MCTP1: variants seen among roughly 807,000 people sequenced by gnomAD.
The protein encoded by MCTP1 is multiple C2 and transmembrane domain containing 1.
Under a neutral mutation model 120.6 loss-of-function variants are expected in MCTP1, and 69 were observed. The observed-to-expected ratio is 0.57, with a 90% CI of 0.47 to 0.70. The LOEUF (loss-of-function observed/expected upper bound fraction) is 0.70, where lower values mean the gene tolerates loss of function less well. MCTP1 is among the 30% of genes least tolerant of loss of function. The pLI is 0.00. For missense variants in MCTP1, 1,203 were observed against 1,248.8 expected, an observed-to-expected ratio of 0.96 and a Z score of 0.55; for synonymous variants, 529 against 493.1, an observed-to-expected ratio of 1.07 and a Z score of -0.96.
chr5:94,946,832 A>G (rs1233544268), intron 3 of MCTP1, among the ~76,000 whole-genome samples: 2 of 152,122 alleles, frequency 1.3e-5, no homozygotes, highest in East Asian at 3.9e-4. Context: ...CCTTAAATCC[A>G]TGTTCGGCAT....
intron 1 of MCTP1, among the ~76,000 whole-genome samples, chr5:95,247,581 G>C (rs1756943637): frequency 1.3e-5 from 2 of 152,190 alleles, no homozygotes; most frequent in South Asian, 4.2e-4. Flanking sequence ...AGAGATTCTG[G>C]TACATTGTGT....
chr5:94,741,088 C>A (rs950886942), intron 19 of MCTP1, among the ~76,000 whole-genome samples: 5 of 152,186 alleles, frequency 3.3e-5, no homozygotes, highest in Non-Finnish European at 5.9e-5. Flanking sequence ...TTGGTAGCAT[C>A]TCCTTCCTCC....
At position 94,954,003 on chromosome 5, in the gene MCTP1, TATATATACAAATATATATGC is replaced by T. The variant is rs1561917434; in HGVS notation, c.839-662_839-643del. On this transcript the variant is annotated intron_variant, in intron 2 of 22. Coordinates refer to ENST00000515393, the MANE Select transcript of MCTP1 (RefSeq NM_024717.7). ...ATATATATACAAATATATATATGCA[TATATATACAAATATATATGC>T]ATATATATACAAATATATATATGCA... Among the ~76,000 whole-genome samples, 190 of 53,342 alleles carry T rather than the reference TATATATACAAATATATATGC, an allele frequency of 3.6e-3. 3 individuals carry two copies. Among genetic ancestry groups the T allele is most frequent in the Non-Finnish European group, 4.2e-3 (124 of 29,652 alleles). The allele number at this position is 53,342 out of a possible 152,430, so 35.0% of individuals were successfully genotyped here.
At chr5:94,791,500 T>TACATACACAC (rs1554099050) in intron 18 of MCTP1, among the ~76,000 whole-genome samples, 1 of 149,070 alleles carries the variant, frequency 6.7e-6, no homozygotes, top group Non-Finnish European at 1.5e-5. Context: ...GTTTCTAAAA[T>TACATACACAC]ACACACACAC....
chr5:95,138,044 G>A (rs969815100), intron 1 of MCTP1, among the ~76,000 whole-genome samples: 1 of 152,090 alleles, frequency 6.6e-6, no homozygotes, highest in Non-Finnish European at 1.5e-5. Flanking sequence ...TGTGTTTTCA[G>A]ATTACTTCAA....
At chr5:94,989,979 T>C (rs771439115) in intron 2 of MCTP1, among the ~76,000 whole-genome samples, 5 of 152,124 alleles carry the variant, frequency 3.3e-5, no homozygotes, top group Non-Finnish European at 1.5e-5. Context: ...TGTTTCTGAG[T>C]TGTATCCTTT....
At chr5:95,150,512 T>C (rs1760790740) in intron 1 of MCTP1, among the ~76,000 whole-genome samples, 1 of 152,202 alleles carries the variant, frequency 6.6e-6, no homozygotes, top group South Asian at 2.1e-4. Flanking sequence ...GTTTTCTCAT[T>C]AGCAGTTTTA....
At chr5:94,832,100 A>G (rs1788642561) in intron 17 of MCTP1, among the ~76,000 whole-genome samples, 1 of 152,218 alleles carries the variant, frequency 6.6e-6, no homozygotes, top group South Asian at 2.1e-4. Flanking sequence ...GGCAATCCCA[A>G]GGGCCCTACA....
intron 21 of MCTP1, 21 bp from the exon 22 acceptor site, chr5:94,708,630 AACAAAGCACATTTCTG>A (rs772825622): frequency 7.0e-7 from 1 of 1,435,648 alleles, no homozygotes; most frequent in Non-Finnish European, 9.8e-7. Context: ...GTTGGAGTTA[AACAAAGCACATTTCTG>A]ACAAAAGTGT....
intron 1 of MCTP1, 95 bp downstream of exon 1, chr5:95,283,761 C>A: frequency 9.8e-7 from 1 of 1,025,240 alleles, no homozygotes; most frequent in Non-Finnish European, 1.3e-6. Context: ...CCTCCCGCCT[C>A]CCGGCCCCCG....
chr5:94,921,389 T>C (rs1372405022), intron 7 of MCTP1, among the ~76,000 whole-genome samples: 2 of 152,220 alleles, frequency 1.3e-5, no homozygotes, highest in Non-Finnish European at 2.9e-5. Flanking sequence ...AGCAAGTTTT[T>C]ACTAGGATGT....
At chr5:94,768,523 T>C (rs2152888568) in intron 19 of MCTP1, among the ~76,000 whole-genome samples, 1 of 151,850 alleles carries the variant, frequency 6.6e-6, no homozygotes, top group South Asian at 2.1e-4. Flanking sequence ...TACAAAGAAC[T>C]CAAACAACTC....
chr5:94,809,149 A>G (rs1008135477), intron 17 of MCTP1, among the ~76,000 whole-genome samples: 8 of 152,166 alleles, frequency 5.3e-5, no homozygotes, highest in Non-Finnish European at 1.2e-4. Context: ...AGATGGAGCT[A>G]TCAACTAATC....
chr5:94,944,170 T>A (rs997612116), intron 3 of MCTP1, among the ~76,000 whole-genome samples: 5 of 152,060 alleles, frequency 3.3e-5, no homozygotes, highest in African/African-American at 1.2e-4. Context: ...ATTTGAAGAG[T>A]CACATGGGGA....
chr5:95,231,707 T>C (rs1009093836), intron 1 of MCTP1, among the ~76,000 whole-genome samples: 5 of 152,152 alleles, frequency 3.3e-5, no homozygotes, highest in African/African-American at 1.2e-4. Context: ...GATAAGATCA[T>C]GTTCTTATTA....
intron 17 of MCTP1, among the ~76,000 whole-genome samples, chr5:94,847,682 G>GTGTGTGTA (rs1169588105): frequency 5.9e-5 from 6 of 102,378 alleles, no homozygotes; most frequent in African/African-American, 2.3e-4. Context: ...GTGTGTGTGT[G>GTGTGTGTA]TATATATATA....
chr5:94,871,328 A>G lies in MCTP1; in HGVS notation c.2126T>C (p.Ile709Thr), dbSNP rs1797823560. Residue 709 changes from isoleucine to threonine, a missense_variant, in exon 14 of 23, where the codon ATA (isoleucine) becomes ACA (threonine). By Grantham distance (89) the Ile-to-Thr change is moderately conservative (BLOSUM62 -1). Around this residue, in one of 2 missense-constraint regions of MCTP1, gnomAD observed 740 missense variants for 871.1 expected, o/e 0.85. Transcript: ENST00000515393. ...RSADFLGKVA[I>T]PLLSIQNGEQ... is the part of the protein sequence containing the mutation. ...AATAAAACTTACAGACAGCAATGGT[A>G]TAGCAACTTTGCCCAGAAAGTCAGC... 1 of 1,605,356 alleles carries G rather than the reference A, an allele frequency of 6.2e-7. No individual in the cohort carries two copies. The highest frequency in any genetic ancestry group is 8.5e-7 in the Non-Finnish European group (1 of 1,172,434).
At chr5:95,258,608 T>G (rs965916770) in intron 1 of MCTP1, among the ~76,000 whole-genome samples, 1 of 152,198 alleles carries the variant, frequency 6.6e-6, no homozygotes, top group Non-Finnish European at 1.5e-5. Context: ...TTGTAACAAA[T>G]GTACTACAGT....
intron 2 of MCTP1, among the ~76,000 whole-genome samples, chr5:94,962,362 C>T (rs929195619): frequency 6.6e-6 from 1 of 151,760 alleles, no homozygotes. Flanking sequence ...TAAGGCACCA[C>T]AATTTGCTAT....
Sources: allele counts gnomAD v4.1 joint callset (sites outside exome capture counted in the v4.1 genomes callset), GRCh38; gene constraint gnomAD v4.1.1; regional missense constraint gnomAD v4.1.1; transcripts MANE v1.5; gene names NCBI Gene and HGNC (gene_info 2026-07-23, HGNC 2026-07-21).